WDR25: variants seen among roughly 807,000 people sequenced by gnomAD.
WDR25 encodes WD repeat-containing protein 25.
A neutral mutation model predicts 47.7 loss-of-function variants in WDR25; 35 were observed. The observed-to-expected ratio is 0.73, with a 90% confidence interval of 0.56 to 0.97. The LOEUF (loss-of-function observed/expected upper bound fraction) is 0.97. Among genes scored for constraint, WDR25 ranks in the 50% least tolerant of loss-of-function variants. The pLI, the probability that WDR25 is intolerant of heterozygous loss-of-function variation, is 0.00. For missense variants in WDR25, 634 were observed against 704.7 expected (o/e 0.90, Z 1.14); for synonymous variants, 248 against 278.9 (o/e 0.89, Z 1.10).
At chr14:100,402,636 C>A (rs1278153484) in intron 2 of WDR25, among the ~76,000 whole-genome samples, 1 of 152,140 alleles carries the variant, frequency 6.6e-6, no homozygotes, top group East Asian at 1.9e-4. Context: ...CAACTGTGTT[C>A]TCTGAGGCCC....
Position 100,381,247 on chromosome 14 carries a change from C to T in WDR25, c.323C>T (p.Pro108Leu). Reference protein sequence around the residue: ...WPGKEPQVTFPIKEPSCSSLW... With the variant: ...WPGKEPQVTFLIKEPSCSSLW... ...GGGAAGGAGCCTCAAGTCACCTTCC[C>T]CATCAAAGAGCCTTCTTGTTCTTCT... Residue 108 changes from proline (P) to leucine (L), a missense_variant, in exon 2 of 7, where the codon CCC becomes CTC. By Grantham distance (98) the Pro-to-Leu change is moderately conservative. Transcript: ENST00000402312. 6.2e-7 allele frequency: 1 copy of T among 1,614,008 alleles called. No individual in the cohort carries two copies. Among genetic ancestry groups the T allele is most frequent in the Non-Finnish European group, 8.5e-7 (1 of 1,179,994 alleles).
rs975615621 is a variant in WDR25, at chr14:100,523,632, A to G, written c.1102-2238A>G. 1.3e-5 allele frequency among the ~76,000 whole-genome samples: 2 copies of G among 152,182 alleles called. No homozygotes were observed. The highest frequency in any genetic ancestry group is 2.9e-5 in the Non-Finnish European group (2 of 68,028). ...CAACCCCGTGCACTCTGGAAGTGGC[A>G]GGAACCCAAGGCTGCTCTGGACGAG... On this transcript the variant is annotated intron_variant, in intron 4 of 6. Transcript: ENST00000402312. This position sits in a 1 kb window ranked among gnomAD's most constrained non-coding sequence, Gnocchi z 4.7.
In WDR25 at chr14:100,525,783, C is replaced by A; in HGVS notation, c.1102-87C>A. 6.6e-7 allele frequency: 1 copy of A among 1,509,580 alleles called. No individual in the cohort carries two copies. The highest frequency in any genetic ancestry group is 8.9e-7 in the Non-Finnish European group (1 of 1,119,886). The allele number at this position is 1,509,580 out of a possible 1,614,324, so 93.5% of individuals were successfully genotyped here. ...CCCAGCATAAACTTCACTAAACCTG[C>A]CTGCCCCCTGGGTCCTTGGCCTTCC... On this transcript the variant is annotated intron_variant, in intron 4 of 6. Coordinates refer to ENST00000402312, the MANE Select transcript of WDR25 (RefSeq NM_001161476.3). The surrounding 1 kb of genome is among the most constrained non-coding windows in gnomAD (Gnocchi z 4.6).
chr14:100,456,792 A>G (rs1214861615), intron 2 of WDR25, among the ~76,000 whole-genome samples: 1 of 152,218 alleles, frequency 6.6e-6, no homozygotes, highest in Non-Finnish European at 1.5e-5. Flanking sequence ...TGGAGTCCTC[A>G]AAGAAGGGTA....
At chr14:100,427,333 T>G (rs1234500163) in intron 2 of WDR25, among the ~76,000 whole-genome samples, 1 of 152,156 alleles carries the variant, frequency 6.6e-6, no homozygotes, top group Non-Finnish European at 1.5e-5. Flanking sequence ...CTCAGTCTCC[T>G]CTCTTGCAGC....
At chr14:100,414,010 T>G (rs1353446633) in intron 2 of WDR25, among the ~76,000 whole-genome samples, 1 of 152,082 alleles carries the variant, frequency 6.6e-6, no homozygotes, top group Non-Finnish European at 1.5e-5. Context: ...TTTTTTTTTT[T>G]TTTGAGATAG....
At chr14:100,410,084 T>G (rs1366264153) in intron 2 of WDR25, among the ~76,000 whole-genome samples, 1 of 152,214 alleles carries the variant, frequency 6.6e-6, no homozygotes, top group Non-Finnish European at 1.5e-5. Context: ...AAGAATAGTC[T>G]TGGCCAAACC....
Position 100,381,505 on chromosome 14 carries a change from G to A in WDR25, c.581G>A (p.Gly194Asp). Residue 194 changes from glycine (G) to aspartate (D), a missense_variant, in exon 2 of 7, where the codon GGT becomes GAT. Physicochemically the swap from Gly to Asp is moderately conservative, Grantham distance 94. Coordinates refer to ENST00000402312, the MANE Select transcript of WDR25 (RefSeq NM_001161476.3). ...RQALSTETGK[G>D]KDVEPQGPPA... ...GCATTAAGCACGGAGACAGGCAAGG[G>A]TAAAGACGTGGAGCCACAGGGGCCC... 5.0e-6 allele frequency: 8 copies of A among 1,614,156 alleles called. No individual in the cohort carries two copies. The highest frequency in any genetic ancestry group is 5.9e-6 in the Non-Finnish European group (7 of 1,180,020).
intron 4 of WDR25, among the ~76,000 whole-genome samples, chr14:100,508,706 C>T (rs1482799824): frequency 6.6e-6 from 1 of 151,864 alleles, no homozygotes; most frequent in Non-Finnish European, 1.5e-5. Context: ...GGAAAACAAT[C>T]AGTCTTTTAC....
Position 100,525,981 on chromosome 14 carries a change from C to G in WDR25, c.1213C>G (p.Arg405Gly), listed in dbSNP as rs746310121. 1 of 1,614,064 alleles carries G rather than the reference C, an allele frequency of 6.2e-7. No individual in the cohort carries two copies. Among genetic ancestry groups the G allele is most frequent in the Admixed American group, 1.7e-5 (1 of 60,018 alleles). ...CGCTTCCACCCGGGACTCAGCTGACCGCACCATTATTGCCTGGGATTTCCG... is the reference window on the plus strand; with the variant it reads ...CGCTTCCACCCGGGACTCAGCTGACGGCACCATTATTGCCTGGGATTTCCG... ...TDASTRDSAD[R>G]TIIAWDFRTS... Residue 405 changes from arginine (R) to glycine (G), a missense_variant, in exon 5 of 7, where the codon CGC becomes GGC. Coordinates refer to ENST00000402312, the MANE Select transcript of WDR25 (RefSeq NM_001161476.3). This position sits in a 1 kb window ranked among gnomAD's most constrained non-coding sequence, Gnocchi z 4.6.
intron 2 of WDR25, among the ~76,000 whole-genome samples, chr14:100,450,327 C>G (rs767380724): frequency 3.3e-5 from 5 of 152,204 alleles, no homozygotes; most frequent in African/African-American, 4.8e-5. Context: ...TCTGGAGAAG[C>G]CTGCTGACCT....
chr14:100,391,028 A>C (rs1471113934), intron 2 of WDR25, among the ~76,000 whole-genome samples: 1 of 152,032 alleles, frequency 6.6e-6, no homozygotes, highest in Non-Finnish European at 1.5e-5. Flanking sequence ...TGGGCAATTT[A>C]CGTACTTACA....
rs1011029955 is a variant in WDR25 at position 100,424,768 on chromosome 14, C to T, written c.822+43022C>T. ...CAGCAGCAGTGGCAGCCGTGACCAC[C>T]TACTATGGACCAGCTTCTGCCAGGC... is the stretch of plus-strand genomic sequence containing the variant. On this transcript the variant is annotated intron_variant, in intron 2 of 6. Coordinates refer to ENST00000402312, the MANE Select transcript of WDR25 (RefSeq NM_001161476.3). This position sits in a 1 kb window ranked among gnomAD's most constrained non-coding sequence, Gnocchi z 4.2. Among the ~76,000 whole-genome samples, 3 of 152,180 alleles carry T rather than the reference C, an allele frequency of 2.0e-5. No individual in the cohort carries two copies. The highest frequency in any genetic ancestry group is 7.2e-5 in the African/African-American group (3 of 41,426).
intron 4 of WDR25, among the ~76,000 whole-genome samples, chr14:100,504,851 G>A (rs1901059733): frequency 1.3e-5 from 2 of 152,116 alleles, no homozygotes; most frequent in Admixed American, 1.3e-4. Context: ...AGCAGTGTGG[G>A]AAAGTGTCAG....
chr14:100,461,343 C>T lies in WDR25; in HGVS notation c.823-6678C>T, dbSNP rs115148650. ...CCAAAATTAATTGTATTTCTACATA[C>T]GAGAAATCAACAATCTGAAAATAAA... On this transcript the variant is annotated intron_variant, in intron 2 of 6. Coordinates refer to ENST00000402312, the MANE Select transcript of WDR25 (RefSeq NM_001161476.3). Among the ~76,000 whole-genome samples, 479 of 152,156 alleles carry T rather than the reference C, an allele frequency of 3.1e-3. 4 individuals are homozygous for T. The highest frequency in any genetic ancestry group is 0.011 in the African/African-American group (448 of 41,498).
chr14:100,420,322 T>A (rs948935658), intron 2 of WDR25, among the ~76,000 whole-genome samples: 12 of 152,200 alleles, frequency 7.9e-5, no homozygotes, highest in African/African-American at 2.7e-4. Flanking sequence ...ATTTTTTTTT[T>A]ATCGTTCTAT....
At chr14:100,393,446 C>T (rs548731494) in intron 2 of WDR25, among the ~76,000 whole-genome samples, 80 of 151,894 alleles carry the variant, frequency 5.3e-4, no homozygotes, top group Non-Finnish European at 1.0e-3. Context: ...GGTTCTGATA[C>T]GGTTCCGGTA....
intron 2 of WDR25, among the ~76,000 whole-genome samples, chr14:100,420,961 C>G (rs1451726673): frequency 6.6e-6 from 1 of 152,208 alleles, no homozygotes; most frequent in Non-Finnish European, 1.5e-5. Flanking sequence ...CTCAGTCTTC[C>G]TTTCTTACCT....
chr14:100,433,919 A>G (rs1353793602), intron 2 of WDR25, among the ~76,000 whole-genome samples: 1 of 152,046 alleles, frequency 6.6e-6, no homozygotes, highest in African/African-American at 2.4e-5. Context: ...TTTAGTGGAG[A>G]AAGGCATTTA....
Sources: gnomAD v4.1 joint callset for allele counts (sites outside exome capture counted in the v4.1 genomes callset) on GRCh38, gnomAD v4.1.1 for gene constraint, Gnocchi (gnomAD v3.1) non-coding constraint, MANE v1.5 for transcripts, NCBI Gene and HGNC (gene_info 2026-07-23, HGNC 2026-07-21) for gene names.